Variants in FOXP2 observed in about 807,000 individuals in gnomAD.
FOXP2 encodes the protein forkhead box protein P2.
FOXP2 carries 12 observed loss-of-function variants against 115.8 expected under a neutral mutation model. The observed-to-expected ratio is 0.10, with a 90% confidence interval of 0.07 to 0.17. The LOEUF (loss-of-function observed/expected upper bound fraction) is 0.17, where lower values mean the gene tolerates loss of function less well. FOXP2 is among the 10% of genes least tolerant of loss of function. The pLI is 1.00. For synonymous variants in FOXP2, 328 were observed against 297.7 expected (o/e 1.10, Z -1.05); for missense variants, 629 against 843.5 (o/e 0.75, Z 3.15).
At chr7:114,316,973 C>T (rs982196110) in intron 2 of FOXP2, among the ~76,000 whole-genome samples, 2 of 152,024 alleles carry the variant, frequency 1.3e-5, no homozygotes, top group African/African-American at 4.8e-5. Context: ...AAAAACTTAC[C>T]CAGAATCACC....
At chr7:114,331,447 A>G (rs1797711724) in intron 2 of FOXP2, among the ~76,000 whole-genome samples, 1 of 152,182 alleles carries the variant, frequency 6.6e-6, no homozygotes, top group African/African-American at 2.4e-5. Context: ...AATAATAGCT[A>G]AGATTAAGCA....
At chr7:114,509,262 G>GT (rs1562966675) in intron 2 of FOXP2, among the ~76,000 whole-genome samples, 1 of 151,342 alleles carries the variant, frequency 6.6e-6, no homozygotes, top group Non-Finnish European at 1.5e-5. Flanking sequence ...TGGTTTAATG[G>GT]TTTTTTTGTT....
chr7:114,447,873 G>A (rs1254894960), intron 2 of FOXP2, among the ~76,000 whole-genome samples: 1 of 152,042 alleles, frequency 6.6e-6, no homozygotes, highest in African/African-American at 2.4e-5. Flanking sequence ...GGTAGATGCA[G>A]AATAAATTTT....
intron 2 of FOXP2, among the ~76,000 whole-genome samples, chr7:114,398,902 TG>T (rs1358216089): frequency 1.3e-5 from 2 of 152,236 alleles, no homozygotes; most frequent in Non-Finnish European, 2.9e-5. Flanking sequence ...GACCAACACT[TG>T]GCAGGTAGTG....
At chr7:114,235,177 G>T (rs1794979139) in intron 1 of FOXP2, among the ~76,000 whole-genome samples, 1 of 151,676 alleles carries the variant, frequency 6.6e-6, no homozygotes, top group African/African-American at 2.4e-5. Context: ...ATGAATAAAT[G>T]CTCCCTTTCT....
intron 1 of FOXP2, among the ~76,000 whole-genome samples, chr7:114,134,395 G>A (rs933185708): frequency 2.0e-5 from 3 of 152,092 alleles, no homozygotes; most frequent in Admixed American, 6.5e-5. Flanking sequence ...CTGTTGTATG[G>A]CTTTCAATGA....
intron 6 of FOXP2, among the ~76,000 whole-genome samples, chr7:114,635,186 G>T (rs759604825): frequency 6.6e-6 from 1 of 152,112 alleles, no homozygotes; most frequent in Non-Finnish European, 1.5e-5. Flanking sequence ...GTCTTTGGGC[G>T]CAATATTCAG....
chr7:114,105,795 G>C (rs1407220756), intron 1 of FOXP2, among the ~76,000 whole-genome samples: 1 of 152,082 alleles, frequency 6.6e-6, no homozygotes, highest in Non-Finnish European at 1.5e-5. Flanking sequence ...CTTCTCTGCA[G>C]ATAAGAAAAT....
chr7:114,464,018 A>C (rs1456665866), intron 2 of FOXP2, among the ~76,000 whole-genome samples: 3 of 152,186 alleles, frequency 2.0e-5, no homozygotes, highest in African/African-American at 7.2e-5. Flanking sequence ...ATACCATTAA[A>C]AAGGAAACAG....
At chr7:114,489,696 A>C (rs1010952179) in intron 2 of FOXP2, among the ~76,000 whole-genome samples, 1 of 151,982 alleles carries the variant, frequency 6.6e-6, no homozygotes, top group African/African-American at 2.4e-5. Context: ...TTCATTTCCA[A>C]CTGTGAAGTT....
chr7:114,671,550 C>T (rs1260573724), intron 16 of FOXP2, among the ~76,000 whole-genome samples: 1 of 152,166 alleles, frequency 6.6e-6, no homozygotes, highest in Non-Finnish European at 1.5e-5. Context: ...TTAGAACATA[C>T]AACTTCATTT....
At chr7:114,354,940 A>G (rs1242573155) in intron 2 of FOXP2, among the ~76,000 whole-genome samples, 1 of 152,300 alleles carries the variant, frequency 6.6e-6, no homozygotes, top group Admixed American at 6.5e-5. Flanking sequence ...ATAAACGAGC[A>G]TTGCTATTGC....
intron 1 of FOXP2, among the ~76,000 whole-genome samples, chr7:114,276,418 A>G (rs1262621040): frequency 6.6e-6 from 1 of 151,214 alleles, no homozygotes; most frequent in East Asian, 1.9e-4. Flanking sequence ...ACCCATCTCA[A>G]CCTCCCAATG....
intron 3 of FOXP2, among the ~76,000 whole-genome samples, chr7:114,557,813 T>G (rs1033513313): frequency 4.0e-5 from 6 of 149,556 alleles, no homozygotes; most frequent in African/African-American, 7.6e-5. Flanking sequence ...ATTTATTTAT[T>G]TATTTATTTA....
chr7:114,350,795 A>G (rs979057301), intron 2 of FOXP2, among the ~76,000 whole-genome samples: 1 of 152,070 alleles, frequency 6.6e-6, no homozygotes, highest in African/African-American at 2.4e-5. Context: ...TTTTTATTAT[A>G]TTTCTTTTTA....
chr7:114,628,789 T>A, intron 4 of FOXP2, 112 bp downstream of exon 4: 1 of 1,279,710 alleles, frequency 7.8e-7, no homozygotes, highest in Non-Finnish European at 1.1e-6. Context: ...AAGGACAACC[T>A]ATTAGCGTGC....
At chr7:114,569,879 A>G (rs566727317) in intron 3 of FOXP2, among the ~76,000 whole-genome samples, 2 of 152,054 alleles carry the variant, frequency 1.3e-5, no homozygotes, top group East Asian at 3.9e-4. Flanking sequence ...TACATGCATC[A>G]AACCACTACA....
At chr7:114,525,841 G>C (rs897962918) in intron 2 of FOXP2, among the ~76,000 whole-genome samples, 1 of 152,094 alleles carries the variant, frequency 6.6e-6, no homozygotes, top group Non-Finnish European at 1.5e-5. Context: ...GCCAGGCGTG[G>C]TGGCCCATGC....
At chr7:114,387,074 G>C (rs1466179757) in intron 2 of FOXP2, among the ~76,000 whole-genome samples, 1 of 152,140 alleles carries the variant, frequency 6.6e-6, no homozygotes, top group Non-Finnish European at 1.5e-5. Flanking sequence ...CAAAAGTTAA[G>C]TGCTATATAA....
Sources: gnomAD v4.1 joint callset for allele counts (sites outside exome capture counted in the v4.1 genomes callset) on GRCh38, gnomAD v4.1.1 for gene constraint, MANE v1.5 for transcripts, NCBI Gene and HGNC (gene_info 2026-07-23, HGNC 2026-07-21) for gene names.